KCNQ5: variants seen among roughly 807,000 people sequenced by gnomAD.
The protein encoded by KCNQ5 is potassium voltage-gated channel subfamily KQT member 5.
In KCNQ5, 30 loss-of-function variants were observed where a neutral mutation model predicts 98.2. That is an observed-to-expected ratio of 0.31 (90% CI 0.23 to 0.41). The LOEUF (loss-of-function observed/expected upper bound fraction) is 0.41, where lower values mean the gene tolerates loss of function less well. KCNQ5 is among the 10% of genes least tolerant of loss of function. KCNQ5 has a pLI of 1.00. For synonymous variants in KCNQ5, 458 were observed against 449.4 expected (o/e 1.02, Z -0.24); for missense variants, 835 against 1,182.5 (o/e 0.71, Z 4.31).
chr6:73,188,948 A>C (rs1320695914), intron 11 of KCNQ5, among the ~76,000 whole-genome samples: 2 of 139,356 alleles, frequency 1.4e-5, no homozygotes, highest in Admixed American at 8.2e-5. Context: ...ATGCCATTGC[A>C]CTCCAGCCTG....
At chr6:72,696,127 C>T (rs980472452) in intron 1 of KCNQ5, among the ~76,000 whole-genome samples, 3 of 151,920 alleles carry the variant, frequency 2.0e-5, no homozygotes, top group African/African-American at 4.8e-5. Flanking sequence ...TTCACTTCTC[C>T]GCATGAGAAA....
intron 10 of KCNQ5, among the ~76,000 whole-genome samples, chr6:73,166,911 G>C (rs1413590229): frequency 6.6e-6 from 1 of 152,092 alleles, no homozygotes; most frequent in Non-Finnish European, 1.5e-5. Context: ...TAGGGTCCCC[G>C]CCTAATCCAG....
At chr6:72,840,974 G>C (rs769346808) in intron 1 of KCNQ5, among the ~76,000 whole-genome samples, 3 of 152,110 alleles carry the variant, frequency 2.0e-5, no homozygotes, top group Non-Finnish European at 4.4e-5. Context: ...CTCACTTAAA[G>C]CACTAAAGTA....
chr6:72,702,272 A>G (rs988967393), intron 1 of KCNQ5, among the ~76,000 whole-genome samples: 2 of 152,338 alleles, frequency 1.3e-5, no homozygotes, highest in Non-Finnish European at 2.9e-5. Flanking sequence ...AGGTTGAGCA[A>G]AGATAAAATA....
intron 1 of KCNQ5, among the ~76,000 whole-genome samples, chr6:72,655,026 G>GTCTGTCTTTCTT (rs1276513568): frequency 3.8e-5 from 4 of 105,886 alleles, no homozygotes; most frequent in South Asian, 2.8e-4. Flanking sequence ...AGGTCTGTCT[G>GTCTGTCTTTCTT]TCTTTCTTTC....
At chr6:72,624,562 A>C (rs1258022640) in intron 1 of KCNQ5, among the ~76,000 whole-genome samples, 1 of 152,220 alleles carries the variant, frequency 6.6e-6, no homozygotes, top group Non-Finnish European at 1.5e-5. Flanking sequence ...GGGCTTACAG[A>C]ATTTTAAAAC....
chr6:73,092,014 G>GT (rs1259698416), intron 5 of KCNQ5, among the ~76,000 whole-genome samples: 2 of 151,546 alleles, frequency 1.3e-5, no homozygotes, highest in Non-Finnish European at 2.9e-5. Flanking sequence ...TTTCAGCAGT[G>GT]TTTTGTAGTT....
chr6:72,701,789 ACTGCAACC>A (rs1768821932), intron 1 of KCNQ5, among the ~76,000 whole-genome samples: 1 of 152,154 alleles, frequency 6.6e-6, no homozygotes, highest in Non-Finnish European at 1.5e-5. Flanking sequence ...ATCTCAGCTC[ACTGCAACC>A]CCCATCTCTG....
intron 1 of KCNQ5, among the ~76,000 whole-genome samples, chr6:72,778,822 G>C (rs961778481): frequency 2.0e-5 from 3 of 152,184 alleles, no homozygotes; most frequent in Admixed American, 6.5e-5. Flanking sequence ...CTAGAAGAGA[G>C]TTGTATCCCA....
intron 9 of KCNQ5, among the ~76,000 whole-genome samples, chr6:73,130,404 C>A (rs1467318912): frequency 1.3e-5 from 2 of 152,136 alleles, no homozygotes; most frequent in African/African-American, 4.8e-5. Flanking sequence ...GCAGGCTCTG[C>A]TGAGCATGGT....
At chr6:73,156,153 CA>C (rs1777354295) in intron 10 of KCNQ5, among the ~76,000 whole-genome samples, 1 of 152,074 alleles carries the variant, frequency 6.6e-6, no homozygotes, top group African/African-American at 2.4e-5. Context: ...CAGAGGGTGG[CA>C]GGGGGTGAGT....
chr6:72,657,550 A>G (rs776088564), intron 1 of KCNQ5, among the ~76,000 whole-genome samples: 26 of 152,228 alleles, frequency 1.7e-4, no homozygotes, highest in African/African-American at 6.3e-4. Context: ...AGTTTGCCTC[A>G]TAGACTGTAA....
chr6:72,745,971 C>A (rs976638017), intron 1 of KCNQ5, among the ~76,000 whole-genome samples: 3 of 147,892 alleles, frequency 2.0e-5, no homozygotes, highest in African/African-American at 7.4e-5. Flanking sequence ...CTCCAAATTT[C>A]TCTCTCCTTA....
chr6:72,762,378 A>T (rs1012087848), intron 1 of KCNQ5, among the ~76,000 whole-genome samples: 3 of 152,006 alleles, frequency 2.0e-5, no homozygotes, highest in Non-Finnish European at 2.9e-5. Flanking sequence ...TTTTAAACAC[A>T]GCTTTGCCAT....
intron 7 of KCNQ5, among the ~76,000 whole-genome samples, chr6:73,113,303 TGA>T (rs1449156859): frequency 1.3e-5 from 2 of 152,268 alleles, no homozygotes; most frequent in African/African-American, 4.8e-5. Context: ...TTCATCCGTC[TGA>T]GCACCAAGCT....
At chr6:72,825,875 T>C (rs1030885652) in intron 1 of KCNQ5, among the ~76,000 whole-genome samples, 4 of 152,160 alleles carry the variant, frequency 2.6e-5, no homozygotes, top group African/African-American at 9.6e-5. Context: ...GAATGTTTTA[T>C]GTTTAAATGA....
chr6:73,050,257 GGGAAGGAAGGAAGGAAGGAAGGAAGGAA>G (rs1208611192), intron 3 of KCNQ5, among the ~76,000 whole-genome samples: 1 of 76,248 alleles, frequency 1.3e-5, no homozygotes, highest in African/African-American at 6.3e-5. Flanking sequence ...GAAGGAAGGA[GGGAAGGAAGGAAGGAAGGAAGGAAGGAA>G]GGAAGGAAGG....
chr6:72,870,529 G>A (rs778882479), intron 1 of KCNQ5, among the ~76,000 whole-genome samples: 1 of 152,122 alleles, frequency 6.6e-6, no homozygotes, highest in African/African-American at 2.4e-5. Context: ...GGAATTACAA[G>A]TGTGAGCCAC....
At chr6:73,181,477 CTT>C (rs2150514904) in intron 11 of KCNQ5, among the ~76,000 whole-genome samples, 1 of 152,346 alleles carries the variant, frequency 6.6e-6, no homozygotes, top group Admixed American at 6.5e-5. Flanking sequence ...GAATCAGTCA[CTT>C]CAGCACTCCC....
Sources: allele counts gnomAD v4.1 joint callset (sites outside exome capture counted in the v4.1 genomes callset), GRCh38; gene constraint gnomAD v4.1.1; transcripts MANE v1.5; gene names NCBI Gene and HGNC (gene_info 2026-07-23, HGNC 2026-07-21).